The following NREP variants were observed in gnomAD, a reference collection of about 807,000 sequenced individuals.
NREP encodes the protein neuronal regeneration related protein.
In NREP, 5 loss-of-function variants were observed where a neutral mutation model predicts 8.6. The observed-to-expected ratio is 0.58, with a 90% confidence interval of 0.30 to 1.22. The LOEUF (loss-of-function observed/expected upper bound fraction) is 1.22, where lower values mean the gene tolerates loss of function less well. NREP is among the 50% of genes most tolerant of loss of function. The pLI, the probability that NREP is intolerant of heterozygous loss-of-function variation, is 0.07. For missense variants in NREP, 86 were observed against 82.5 expected, an observed-to-expected ratio of 1.04 and a Z score of -0.17; for synonymous variants, 27 against 28.0, an observed-to-expected ratio of 0.96 and a Z score of 0.11.
chr5:111,880,382 C>A (rs757700642), intron 2 of NREP, among the ~76,000 whole-genome samples: 7 of 152,302 alleles, frequency 4.6e-5, no homozygotes, highest in Admixed American at 1.3e-4. Context: ...TATGTTTTCT[C>A]ATGATTCAGG....
At chr5:111,752,704 T>C (rs1750439656) in intron 2 of NREP, among the ~76,000 whole-genome samples, 1 of 152,204 alleles carries the variant, frequency 6.6e-6, no homozygotes, top group African/African-American at 2.4e-5. Context: ...AGAGAACTTA[T>C]ATTGTTCCAA....
intron 2 of NREP, among the ~76,000 whole-genome samples, chr5:111,883,260 T>C (rs1259064392): frequency 2.6e-5 from 4 of 152,156 alleles, no homozygotes; most frequent in African/African-American, 7.2e-5. Context: ...ATCAATTCAA[T>C]GAGAAGAGCT....
rs139403487 is a variant in NREP, at chr5:111,815,658, G to A, written c.136-80151C>T. On this transcript the variant is annotated intron_variant, in intron 2 of 3. Coordinates refer to the NREP transcript ENST00000395634. ...ACTCGGCATAAGACTCGGCAAAACCGAAGGTATGATTAAGGACATGGAAGA... is the reference window on the plus strand; with the variant it reads ...ACTCGGCATAAGACTCGGCAAAACCAAAGGTATGATTAAGGACATGGAAGA... Among the ~76,000 whole-genome samples, 776 of 152,052 alleles carry A rather than the reference G, an allele frequency of 5.1e-3. 8 individuals carry two copies. The highest frequency in any genetic ancestry group is 3.9e-3 in the Non-Finnish European group (264 of 67,958).
intron 2 of NREP, among the ~76,000 whole-genome samples, chr5:111,740,020 A>C (rs1749510528): frequency 6.6e-6 from 1 of 152,174 alleles, no homozygotes; most frequent in African/African-American, 2.4e-5. Flanking sequence ...TAGTTAAAAA[A>C]AAAAAAGTAG....
At chr5:111,951,302 T>C (rs141323723) in intron 2 of NREP, among the ~76,000 whole-genome samples, 1 of 152,240 alleles carries the variant, frequency 6.6e-6, no homozygotes, top group East Asian at 1.9e-4. Flanking sequence ...TACTTTTTTC[T>C]ATTACCAGCA....
chr5:111,956,073 A>C (rs1756307665), intron 2 of NREP, among the ~76,000 whole-genome samples: 1 of 152,106 alleles, frequency 6.6e-6, no homozygotes, highest in Non-Finnish European at 1.5e-5. Context: ...CCAGAGCCGA[A>C]ACACAAACCT....
At chr5:111,781,342 G>A (rs945325770) in intron 2 of NREP, among the ~76,000 whole-genome samples, 2 of 152,104 alleles carry the variant, frequency 1.3e-5, no homozygotes, top group Non-Finnish European at 2.9e-5. Context: ...ACCCCTACGT[G>A]AGGAAGTCCA....
rs142117796 is a variant in NREP, at chr5:111,849,220, C to T, written c.136-113713G>A. On this transcript the variant is annotated intron_variant, in intron 2 of 3. Transcript: ENST00000395634. ...TAGACATGGTATCTAGCCTGTAGGA[C>T]GATAGGAGGAATCCAAGCAAAGTGG... is the stretch of plus-strand genomic sequence containing the variant. 5.9e-5 allele frequency among the ~76,000 whole-genome samples: 9 copies of T among 151,912 alleles called. No individual in the cohort carries two copies. The East Asian group carries it at 7.7e-4, about 13-fold the overall frequency.
chr5:111,863,453 C>T (rs1056222966), intron 2 of NREP, among the ~76,000 whole-genome samples: 2 of 152,088 alleles, frequency 1.3e-5, no homozygotes. Flanking sequence ...TGAAAATGCA[C>T]ATTTGGGAAT....
At chr5:111,827,600 G>A (rs1342232838) in intron 2 of NREP, among the ~76,000 whole-genome samples, 1 of 152,172 alleles carries the variant, frequency 6.6e-6, no homozygotes, top group African/African-American at 2.4e-5. Flanking sequence ...CCTGCAATTT[G>A]GGAGGCTGTG....
At chr5:111,929,529 G>C (rs1581227687) in intron 2 of NREP, among the ~76,000 whole-genome samples, 2 of 152,304 alleles carry the variant, frequency 1.3e-5, no homozygotes, top group South Asian at 4.1e-4. Flanking sequence ...CATATATTTA[G>C]ACAGTTTTTA....
chr5:111,893,960 G>A (rs1426812930), intron 2 of NREP, among the ~76,000 whole-genome samples: 2 of 152,094 alleles, frequency 1.3e-5, no homozygotes, highest in Non-Finnish European at 2.9e-5. Context: ...GCTCACGCCT[G>A]TAATCCCAGC....
intron 2 of NREP, among the ~76,000 whole-genome samples, chr5:111,889,387 C>T (rs954529674): frequency 6.6e-6 from 1 of 152,184 alleles, no homozygotes; most frequent in Non-Finnish European, 1.5e-5. Context: ...GAGGTATATA[C>T]CCCCATGATC....
At chr5:111,895,064 C>G (rs1754476093) in intron 2 of NREP, among the ~76,000 whole-genome samples, 1 of 152,194 alleles carries the variant, frequency 6.6e-6, no homozygotes, top group Admixed American at 6.5e-5. Flanking sequence ...GCTGCTAATA[C>G]TAGGAATATT....
At chr5:111,757,834 G>A (rs1477479043), upstream of NREP, 1 of 966,782 alleles carries the variant, frequency 1.0e-6, no homozygotes, top group Non-Finnish European at 1.2e-6. Context: ...AGGAGGTGGA[G>A]GAGGCGGTTT....
intron 2 of NREP, among the ~76,000 whole-genome samples, chr5:111,920,759 T>C (rs1755214354): frequency 6.6e-6 from 1 of 152,064 alleles, no homozygotes; most frequent in Non-Finnish European, 1.5e-5. Flanking sequence ...TCCTTATCTC[T>C]TCCTACTGCA....
chr5:111,742,435 A>C (rs1715951490), intron 2 of NREP, among the ~76,000 whole-genome samples: 1 of 152,118 alleles, frequency 6.6e-6, no homozygotes, highest in African/African-American at 2.4e-5. Context: ...CAACAAAATG[A>C]AAGTGTTTAC....
intron 2 of NREP, among the ~76,000 whole-genome samples, chr5:111,884,076 G>T (rs1266080380): frequency 6.6e-6 from 1 of 152,070 alleles, no homozygotes; most frequent in Non-Finnish European, 1.5e-5. Flanking sequence ...TAGACCACTA[G>T]GAAGACCAAT....
intron 2 of NREP, among the ~76,000 whole-genome samples, chr5:111,886,832 G>A (rs1192215398): frequency 6.6e-6 from 1 of 151,542 alleles, no homozygotes; most frequent in Non-Finnish European, 1.5e-5. Flanking sequence ...TGGGGTTGGG[G>A]GACGGGGGAG....
Sources: allele counts gnomAD v4.1 joint callset (sites outside exome capture counted in the v4.1 genomes callset), GRCh38; gene constraint gnomAD v4.1.1; transcripts MANE v1.5; gene names NCBI Gene and HGNC (gene_info 2026-07-23, HGNC 2026-07-21).